DOCK1: variants seen among roughly 807,000 people sequenced by gnomAD.
The protein encoded by DOCK1 is dedicator of cytokinesis 1, also known as dedicator of cytokinesis protein 1.
DOCK1 carries 138 observed loss-of-function variants against 262.7 expected under a neutral mutation model. The observed-to-expected ratio is 0.53, with a 90% CI of 0.46 to 0.61. The LOEUF is 0.61. Ranked by LOEUF, DOCK1 falls within the 20% of genes least tolerant of loss-of-function variation. The probability of loss-of-function intolerance (pLI) is 0.00; values close to 1 mark genes in which losing one functional copy is unlikely to be tolerated. For missense variants in DOCK1, 1,908 were observed against 2,370.7 expected, an observed-to-expected ratio of 0.80 and a Z score of 4.05; for synonymous variants, 866 against 867.4, an observed-to-expected ratio of 1.00 and a Z score of 0.03.
chr10:127,404,292 A>T (rs2067386865), intron 39 of DOCK1, 33 bp from the exon 40 acceptor site: 1 of 1,584,710 alleles, frequency 6.3e-7, no homozygotes. Context: ...TTGAATACTC[A>T]AACCTGAAAT....
chr10:127,134,081 A>G (rs1255262754), intron 27 of DOCK1, among the ~76,000 whole-genome samples: 4 of 152,220 alleles, frequency 2.6e-5, no homozygotes, highest in African/African-American at 4.8e-5. Flanking sequence ...TAAACAGGCC[A>G]TGGTGTTACT....
rs375468574 is a variant in DOCK1 at position 127,387,453 on chromosome 10, A to C, written c.3927+2544A>C. 7.2e-5 allele frequency among the ~76,000 whole-genome samples: 11 copies of C among 152,340 alleles called. 1 individual carries two copies. Among genetic ancestry groups the C allele is most frequent in the African/African-American group, 2.6e-4 (11 of 41,580 alleles). On this transcript the variant is annotated intron_variant, in intron 38 of 51. Coordinates refer to ENST00000623213, the MANE Select transcript of DOCK1 (RefSeq NM_001290223.2). ...CTTTGTGGTAGAGGACCACGCGTGC[A>C]TGGTGGACTCAAGGAATGTCTCCCT...
chr10:127,406,651 A>C (rs1030060169), intron 40 of DOCK1, among the ~76,000 whole-genome samples: 3 of 152,144 alleles, frequency 2.0e-5, no homozygotes, highest in Non-Finnish European at 2.9e-5. Context: ...AATTGGTCTC[A>C]CTGTTTTTTG....
intron 1 of DOCK1, among the ~76,000 whole-genome samples, chr10:126,939,012 GGGGATGAACACCTGAA>G: frequency 7.5e-6 from 1 of 132,572 alleles, no homozygotes; most frequent in Non-Finnish European, 1.6e-5. Flanking sequence ...GAACACCGGA[GGGGATGAACACCTGAA>G]GGGATGAACA....
At chr10:126,994,590 A>G (rs2040033210) in intron 6 of DOCK1, among the ~76,000 whole-genome samples, 1 of 152,196 alleles carries the variant, frequency 6.6e-6, no homozygotes, top group Admixed American at 6.5e-5. Context: ...TAATCCGTTT[A>G]ACCCTGAGTG....
chr10:127,428,914 GATTGGGGTACCGTGTGGATT>G (rs2069048991), intron 47 of DOCK1, among the ~76,000 whole-genome samples: 1 of 145,368 alleles, frequency 6.9e-6, no homozygotes, highest in Admixed American at 6.9e-5. Flanking sequence ...GAGCCGTGTG[GATTGGGGTACCGTGTGGATT>G]GTGCCGTGTG....
intron 27 of DOCK1, among the ~76,000 whole-genome samples, chr10:127,170,341 C>A (rs769050833): frequency 2.6e-5 from 4 of 152,170 alleles, no homozygotes; most frequent in Non-Finnish European, 4.4e-5. Flanking sequence ...GCTCTCTCCC[C>A]CTACCCCAAG....
intron 12 of DOCK1, among the ~76,000 whole-genome samples, chr10:127,017,058 C>CAT (rs1460031606): frequency 7.7e-5 from 6 of 78,126 alleles, no homozygotes; most frequent in African/African-American, 2.0e-4. Context: ...CACACACACA[C>CAT]AGATGCAGAC....
chr10:127,036,588 C>T (rs1191799004), intron 18 of DOCK1, among the ~76,000 whole-genome samples: 2 of 151,506 alleles, frequency 1.3e-5, no homozygotes, highest in Non-Finnish European at 2.9e-5. Flanking sequence ...GGTATTTTTT[C>T]GAGTAATGGG....
rs1419894859 is a variant in DOCK1 at position 127,418,354 on chromosome 10, T to A, written c.4516-11T>A. The A allele has an allele frequency of 6.2e-7, 1 of 1,600,826 alleles. No homozygotes were observed. The highest frequency in any genetic ancestry group is 1.7e-5 in the Admixed American group (1 of 59,058). On this transcript the variant is annotated splice_polypyrimidine_tract_variant and intron_variant, in intron 44 of 51. Coordinates refer to ENST00000623213, the MANE Select transcript of DOCK1 (RefSeq NM_001290223.2). ...GTGGGGCTGACATCGGGCTCTCCTCTCTCTTTGCAGGTGGAAATCAGCCCC... is the reference window on the plus strand; with the variant it reads ...GTGGGGCTGACATCGGGCTCTCCTCACTCTTTGCAGGTGGAAATCAGCCCC...
intron 27 of DOCK1, among the ~76,000 whole-genome samples, chr10:127,213,369 T>C (rs765069967): frequency 6.6e-6 from 1 of 152,222 alleles, no homozygotes; most frequent in African/African-American, 2.4e-5. Flanking sequence ...ATGCCTAGAA[T>C]GTTCCCAAGA....
intron 45 of DOCK1, 74 bp from the exon 46 acceptor site, chr10:127,419,592 T>G: frequency 7.2e-7 from 1 of 1,397,734 alleles, no homozygotes. Context: ...TCTCAGGGCC[T>G]GGCACACAGT....
intron 23 of DOCK1, among the ~76,000 whole-genome samples, chr10:127,083,473 C>A (rs1372975277): frequency 1.3e-5 from 2 of 152,162 alleles, no homozygotes; most frequent in Non-Finnish European, 2.9e-5. Context: ...AGAAACCCTT[C>A]GGCTATTAAA....
intron 27 of DOCK1, among the ~76,000 whole-genome samples, chr10:127,194,260 G>T (rs369583516): frequency 6.6e-6 from 1 of 152,160 alleles, no homozygotes; most frequent in Non-Finnish European, 1.5e-5. Flanking sequence ...AACCAAATGC[G>T]CCTCTAATAA....
intron 27 of DOCK1, chr10:127,137,781 G>T: frequency 6.7e-7 from 1 of 1,495,870 alleles, no homozygotes; most frequent in South Asian, 1.3e-5. Flanking sequence ...GAAAAGTATT[G>T]ACTTAAACTC....
chr10:127,393,660 A>G (rs2066637521), intron 38 of DOCK1, among the ~76,000 whole-genome samples: 1 of 152,032 alleles, frequency 6.6e-6, no homozygotes, highest in African/African-American at 2.4e-5. Context: ...GCAAGGCAAA[A>G]TGGATTTGCT....
intron 21 of DOCK1, among the ~76,000 whole-genome samples, chr10:127,045,624 G>A (rs1405283332): frequency 6.6e-6 from 1 of 152,208 alleles, no homozygotes; most frequent in Admixed American, 6.5e-5. Context: ...GAGAAGGAAT[G>A]AAAGATTTTG....
rs548085975 is a variant in DOCK1, at chr10:127,406,611, G to T, written c.4122+2182G>T. Among the ~76,000 whole-genome samples, 5 of 152,246 alleles carry T rather than the reference G, an allele frequency of 3.3e-5. No individual in the cohort carries two copies. In the East Asian group the frequency reaches 9.7e-4, roughly 29 times the overall value. On this transcript the variant is annotated intron_variant, in intron 40 of 51. Transcript: ENST00000623213. Reference sequence around the variant, plus strand: ...GAGAGGAGCCTCCAAGAACTGACTAGCTGTCCCTTTTGCTTTGTTTTTCTC... The same window carrying T: ...GAGAGGAGCCTCCAAGAACTGACTATCTGTCCCTTTTGCTTTGTTTTTCTC...
At chr10:127,364,226 CAG>C (rs1339420438) in intron 33 of DOCK1, among the ~76,000 whole-genome samples, 2 of 152,172 alleles carry the variant, frequency 1.3e-5, no homozygotes, top group South Asian at 2.1e-4. Context: ...AGGAGATGAA[CAG>C]AGTCTGACTG....
Sources: gnomAD v4.1 joint callset for allele counts (sites outside exome capture counted in the v4.1 genomes callset) on GRCh38, gnomAD v4.1.1 for gene constraint, MANE v1.5 for transcripts, NCBI Gene and HGNC (gene_info 2026-07-23, HGNC 2026-07-21) for gene names.